TDRD9: variants seen among roughly 807,000 people sequenced by gnomAD.
The protein encoded by TDRD9 is tudor domain containing 9.
Under a neutral mutation model 172.6 loss-of-function variants are expected in TDRD9, and 124 were observed. That is an observed-to-expected ratio of 0.72 (90% CI 0.62 to 0.83). TDRD9 has a LOEUF of 0.83. Ranked by LOEUF, TDRD9 falls within the 40% of genes least tolerant of loss-of-function variation. The pLI is 0.00. For missense variants in TDRD9, 1,479 were observed against 1,714.1 expected (o/e 0.86, Z 2.42); for synonymous variants, 619 against 617.1 (o/e 1.00, Z -0.05).
At chr14:103,995,882 A>T in intron 12 of TDRD9, 75 bp downstream of exon 12, 1 of 1,333,922 alleles carries the variant, frequency 7.5e-7, no homozygotes, top group South Asian at 1.4e-5. Flanking sequence ...CTCACTCAGG[A>T]ATTGTTCTTC....
intron 1 of TDRD9, among the ~76,000 whole-genome samples, chr14:103,945,980 C>CT (rs1566729771): frequency 7.4e-6 from 1 of 135,628 alleles, no homozygotes; most frequent in Non-Finnish European, 1.6e-5. Flanking sequence ...TTTTTTTTTT[C>CT]TTTTTTTGAG....
At chr14:103,966,574 CT>C (rs67099000) in intron 4 of TDRD9, 134 bp from the exon 5 acceptor site, 258,706 of 917,674 alleles carry the variant, frequency 0.28, 38,637 homozygotes, top group South Asian at 0.43. Flanking sequence ...GAGAATGTCA[CT>C]TTTAATTTGG....
At chr14:103,970,332 T>C (rs2032965417) in intron 5 of TDRD9, among the ~76,000 whole-genome samples, 1 of 152,134 alleles carries the variant, frequency 6.6e-6, no homozygotes, top group African/African-American at 2.4e-5. Flanking sequence ...GGAGAAACAC[T>C]GGGGGCCGTG....
At chr14:104,036,411 G>A (rs985293504) in intron 32 of TDRD9, among the ~76,000 whole-genome samples, 7 of 152,148 alleles carry the variant, frequency 4.6e-5, no homozygotes, top group Admixed American at 3.3e-4. Flanking sequence ...TTGGAGCCTC[G>A]GTGGGGAGAC....
intron 1 of TDRD9, chr14:103,941,317 G>T: frequency 9.1e-7 from 1 of 1,093,854 alleles, no homozygotes; most frequent in Non-Finnish European, 1.3e-6. Context: ...TTACATGATA[G>T]AATACAGTTT....
chr14:103,932,742 G>C (rs1468167508), intron 1 of TDRD9, among the ~76,000 whole-genome samples: 2 of 152,144 alleles, frequency 1.3e-5, no homozygotes, highest in African/African-American at 4.8e-5. Flanking sequence ...GTATTTGTTA[G>C]AGATAGTCAC....
At chr14:104,004,361 GTTTA>G (rs10593237) in intron 14 of TDRD9, 26 bp downstream of exon 14, 353,563 of 726,834 alleles carry the variant, frequency 0.49, 88,776 homozygotes, top group South Asian at 0.52. Flanking sequence ...CATTGTCAAA[GTTTA>G]TTTATTTATT....
At chr14:104,050,838 G>C (rs2035917872) in intron 35 of TDRD9, among the ~76,000 whole-genome samples, 1 of 152,224 alleles carries the variant, frequency 6.6e-6, no homozygotes, top group Non-Finnish European at 1.5e-5. Flanking sequence ...ATTTCACTTT[G>C]AGGTTAGTAT....
intron 11 of TDRD9, among the ~76,000 whole-genome samples, chr14:103,995,402 C>A (rs1165409985): frequency 6.6e-6 from 1 of 152,190 alleles, no homozygotes; most frequent in Non-Finnish European, 1.5e-5. Context: ...AGGGCAAGTA[C>A]AGGCAACAAC....
chr14:103,987,268 T>A (rs755989142), intron 8 of TDRD9, among the ~76,000 whole-genome samples: 4 of 152,232 alleles, frequency 2.6e-5, no homozygotes, highest in Non-Finnish European at 4.4e-5. Context: ...TGTATCCTTT[T>A]CATGTTGTCT....
At chr14:103,976,869 A>G (rs1212313953) in intron 7 of TDRD9, among the ~76,000 whole-genome samples, 1 of 151,094 alleles carries the variant, frequency 6.6e-6, no homozygotes, top group Non-Finnish European at 1.5e-5. Flanking sequence ...TTACTTATTT[A>G]TTTTAGAGAT....
intron 2 of TDRD9, among the ~76,000 whole-genome samples, chr14:103,958,914 C>T (rs2032372772): frequency 6.6e-6 from 1 of 152,162 alleles, no homozygotes; most frequent in Admixed American, 6.5e-5. Flanking sequence ...GTAATAGGGC[C>T]TGTGGGCTGT....
intron 32 of TDRD9, among the ~76,000 whole-genome samples, chr14:104,035,762 A>G (rs914800980): frequency 6.6e-6 from 1 of 152,222 alleles, no homozygotes; most frequent in Non-Finnish European, 1.5e-5. Flanking sequence ...GGAAATGGCC[A>G]TGACGAGATT....
chr14:104,013,430 A>G (rs113455652), intron 20 of TDRD9, among the ~76,000 whole-genome samples: 45 of 152,154 alleles, frequency 3.0e-4, no homozygotes, highest in African/African-American at 8.2e-4. Context: ...ACGTGTTTCA[A>G]GGATCTAAAG....
At position 103,965,330 on chromosome 14, in the gene TDRD9, T is replaced by C. The variant is rs532678979; in HGVS notation, c.421-3T>C. 1.1e-3 allele frequency: 1,736 copies of C among 1,551,490 alleles called. 1 individual carries two copies. Among genetic ancestry groups the C allele is most frequent in the Non-Finnish European group, 1.4e-3 (1,581 of 1,146,798 alleles). ...ATTTTGAAAGAATTTTTTAAATTTC[T>C]AGGTTGTGTCTTTGATAGAAAGTAA... is the stretch of plus-strand genomic sequence containing the variant. On this transcript the variant is annotated splice_polypyrimidine_tract_variant and splice_region_variant and intron_variant, in intron 3 of 35. Transcript: ENST00000409874.
intron 9 of TDRD9, among the ~76,000 whole-genome samples, 177 bp downstream of exon 9, chr14:103,991,401 CT>C (rs369505037): frequency 6.0e-5 from 9 of 149,222 alleles, no homozygotes; most frequent in East Asian, 2.0e-4. Context: ...CCTTGCATTT[CT>C]TTTTTTTTTC....
chr14:104,002,035 T>G (rs1418409780), intron 13 of TDRD9, among the ~76,000 whole-genome samples: 1 of 151,672 alleles, frequency 6.6e-6, no homozygotes, highest in Non-Finnish European at 1.5e-5. Flanking sequence ...AAAGAAAAAT[T>G]TTGGCCAGAC....
chr14:103,974,137 G>A (rs1452960362), intron 6 of TDRD9, among the ~76,000 whole-genome samples: 4 of 152,208 alleles, frequency 2.6e-5, no homozygotes, highest in Admixed American at 2.6e-4. Context: ...AGGAGGCTGA[G>A]GTTGCAGTGA....
chr14:104,001,664 A>C (rs2034265235), intron 13 of TDRD9, among the ~76,000 whole-genome samples: 1 of 152,120 alleles, frequency 6.6e-6, no homozygotes, highest in Admixed American at 6.5e-5. Flanking sequence ...GCTGGAGTGC[A>C]ACGACGTGAT....
Sources: allele counts gnomAD v4.1 joint callset (sites outside exome capture counted in the v4.1 genomes callset), GRCh38; gene constraint gnomAD v4.1.1; transcripts MANE v1.5; gene names NCBI Gene and HGNC (gene_info 2026-07-23, HGNC 2026-07-21).